Variants in CSNK1D observed in about 807,000 individuals in gnomAD.
CSNK1D encodes casein kinase I isoform delta.
Under a neutral mutation model 46.6 loss-of-function variants are expected in CSNK1D, and 16 were observed. The ratio of observed to expected loss-of-function variants is 0.34; its 90% CI spans 0.23 to 0.52. The LOEUF (loss-of-function observed/expected upper bound fraction) is 0.52. CSNK1D is among the 20% of genes least tolerant of loss of function. The pLI, the probability that CSNK1D is intolerant of heterozygous loss-of-function variation, is 0.95. For missense variants in CSNK1D, 398 were observed against 578.4 expected (o/e 0.69, Z 3.20); for synonymous variants, 276 against 228.2 (o/e 1.21, Z -1.89).
Position 82,244,824 on chromosome 17 carries a change from C to T in CSNK1D, c.1205G>A (p.Gly402Asp). 6.2e-7 allele frequency: 1 copy of T among 1,613,860 alleles called. No individual in the cohort carries two copies. Among genetic ancestry groups the T allele is most frequent in the East Asian group, 2.2e-5 (1 of 44,884 alleles). ...TSRMSTSQIP[G>D]RVASSGLQSV... is the part of the protein sequence containing the mutation. Reference sequence around the variant, plus strand: ...CTGAAGACCACTGGAAGCCACCCGACCAGGAATCTGTCGGAGCCAAAGCAC... The same window carrying T: ...CTGAAGACCACTGGAAGCCACCCGATCAGGAATCTGTCGGAGCCAAAGCAC... The change falls in exon 9 of 9, where the codon GGT becomes GAT. Residue 402 changes from glycine (G) to aspartate (D), a missense_variant. Physicochemically the swap from Gly to Asp is moderately conservative, Grantham distance 94 (BLOSUM62 -1). Transcript: ENST00000314028.
chr17:82,239,969 G>A (rs370836789), downstream of CSNK1D: 18 of 1,232,144 alleles, frequency 1.5e-5, no homozygotes, highest in Middle Eastern at 2.1e-4. Context: ...AGAGGCCGCC[G>A]GGGCCCTCAG....
intron 2 of CSNK1D, among the ~76,000 whole-genome samples, chr17:82,259,431 A>C (rs1405781818): frequency 6.6e-6 from 1 of 152,240 alleles, no homozygotes; most frequent in African/African-American, 2.4e-5. Context: ...TGTGAGGCTG[A>C]GGATGATGTG....
chr17:82,252,336 C>T lies in CSNK1D; in HGVS notation c.736+98G>A, dbSNP rs2051034439. ...CACCACCCCTTTGGAAGGTGAGCAA[C>T]TCTTCTGACAAAACCCAGACTGAGC... On this transcript the variant is annotated intron_variant, in intron 5 of 8. Coordinates refer to ENST00000314028, the MANE Select transcript of CSNK1D (RefSeq NM_001893.6). The surrounding 1 kb of genome is among the most constrained non-coding windows in gnomAD (Gnocchi z 4.6). 3 of 1,426,190 alleles carry T rather than the reference C, an allele frequency of 2.1e-6. No homozygotes were observed. Among genetic ancestry groups the T allele is most frequent in the Admixed American group, 1.7e-5 (1 of 59,706 alleles). 88.3% of individuals were successfully genotyped at this position (1,426,190 alleles called of 1,614,324 possible). A position where few individuals can be genotyped will look rare whatever the true frequency, so the allele number is the denominator to read the frequency against.
intron 8 of CSNK1D, chr17:82,247,142 A>G: frequency 1.0e-6 from 1 of 985,388 alleles, no homozygotes; most frequent in African/African-American, 1.7e-5. Context: ...TGGAGAGAAC[A>G]CACCCCCAAA....
chr17:82,272,705 G>T (rs549617354), intron 1 of CSNK1D, among the ~76,000 whole-genome samples: 1 of 152,308 alleles, frequency 6.6e-6, no homozygotes, highest in Admixed American at 6.5e-5. Context: ...CGCTCCACAC[G>T]GCATTTGGGT....
In CSNK1D at chr17:82,251,618, C is replaced by T; in HGVS notation, c.737-91G>A. On this transcript the variant is annotated intron_variant, in intron 5 of 8. Coordinates refer to ENST00000314028, the MANE Select transcript of CSNK1D (RefSeq NM_001893.6). This position sits in a 1 kb window ranked among gnomAD's most constrained non-coding sequence, Gnocchi z 4.5. ...CGTCGCTGTCTACCTCCTGCTGCTG[C>T]ACACTCAAGGGGAGAAGGACAGATG... 7.7e-7 allele frequency: 1 copy of T among 1,297,536 alleles called. No individual in the cohort carries two copies. The highest frequency in any genetic ancestry group is 1.1e-6 in the Non-Finnish European group (1 of 905,610). The allele number at this position is 1,297,536 out of a possible 1,614,324, so 80.4% of individuals were successfully genotyped here.
At position 82,243,050 on chromosome 17, in the gene CSNK1D, T is replaced by G; in HGVS notation, c.*1731A>C. 1.0e-6 allele frequency: 1 copy of G among 985,456 alleles called. No individual in the cohort carries two copies. Among genetic ancestry groups the G allele is most frequent in the Non-Finnish European group, 1.2e-6 (1 of 829,952 alleles). 61.0% of individuals were successfully genotyped at this position (985,456 alleles called of 1,614,324 possible). On this transcript the variant is annotated 3_prime_UTR_variant, in exon 9 of 9. Transcript: ENST00000314028. ...AACAAAGAAAATCTCTTAACTCGGC[T>G]CTGACCCACCCCAACCTCCCTCTGT...
chr17:82,247,217 C>T (rs1369287711), intron 8 of CSNK1D: 4 of 985,318 alleles, frequency 4.1e-6, no homozygotes, highest in Non-Finnish European at 3.6e-6. Flanking sequence ...ATATGGAAAA[C>T]GAGGGCCTAA....
At chr17:82,265,941 T>C in intron 1 of CSNK1D, 145 bp from the exon 2 acceptor site, 1 of 753,706 alleles carries the variant, frequency 1.3e-6, no homozygotes, top group Non-Finnish European at 2.4e-6. Context: ...TAAGGCGGGC[T>C]AATCGGCTGA....
At chr17:82,268,339 C>A (rs555103644) in intron 1 of CSNK1D, among the ~76,000 whole-genome samples, 1 of 152,258 alleles carries the variant, frequency 6.6e-6, no homozygotes, top group Non-Finnish European at 1.5e-5. Flanking sequence ...CACCCCCACA[C>A]TCTACCAGCC....
In CSNK1D at chr17:82,244,144, ACACACAC is replaced by A; in HGVS notation, c.*630_*636del. 6.0e-6 allele frequency: 6 copies of A among 1,004,180 alleles called. No homozygotes were observed. Among genetic ancestry groups the A allele is most frequent in the Non-Finnish European group, 7.1e-6 (6 of 839,820 alleles). The allele number at this position is 1,004,180 out of a possible 1,614,324, so 62.2% of individuals were successfully genotyped here. A position where few individuals can be genotyped will look rare whatever the true frequency, so the allele number is the denominator to read the frequency against. Reference sequence around the variant, plus strand: ...GAGGTCCCACCACACACGGGCACACACACACACCACGGACTTTTGATGAGAAATCTCC... The same window carrying A: ...GAGGTCCCACCACACACGGGCACACACACGGACTTTTGATGAGAAATCTCC... On this transcript the variant is annotated 3_prime_UTR_variant, in exon 9 of 9. Transcript: ENST00000314028.
chr17:82,243,128 C>T lies in CSNK1D; in HGVS notation c.*1653G>A. 1 of 985,534 alleles carries T rather than the reference C, an allele frequency of 1.0e-6. No individual in the cohort carries two copies. The highest frequency in any genetic ancestry group is 1.2e-6 in the Non-Finnish European group (1 of 830,010). 61.0% of individuals were successfully genotyped at this position (985,534 alleles called of 1,614,324 possible). ...AAGGCCCCGTACTCCAAAACGCTTA[C>T]ACAGTAACCAGCCTAGGATTGAGAA... On this transcript the variant is annotated 3_prime_UTR_variant, in exon 9 of 9. Transcript: ENST00000314028.
chr17:82,273,293 G>A lies in CSNK1D; in HGVS notation c.76+13C>T, dbSNP rs961731104. 1 of 1,599,744 alleles carries A rather than the reference G, an allele frequency of 6.3e-7. No individual in the cohort carries two copies. The highest frequency in any genetic ancestry group is 1.4e-5 in the African/African-American group (1 of 71,568). Reference sequence around the variant, plus strand: ...GGGTCTTCGGGCGGCGGGCGGGGGCGGCGGGGCCTCACCGAGATAGATGTC... The same window carrying A: ...GGGTCTTCGGGCGGCGGGCGGGGGCAGCGGGGCCTCACCGAGATAGATGTC... On this transcript the variant is annotated intron_variant, in intron 1 of 8. Transcript: ENST00000314028. The surrounding 1 kb of genome is among the most constrained non-coding windows in gnomAD (Gnocchi z 5.1).
chr17:82,243,330 C>T lies in CSNK1D; in HGVS notation c.*1451G>A. ...GAACATCGTCCATCGTGATGGGGTC[C>T]AGCCGAAGTGCCCACGAACACAGAC... On this transcript the variant is annotated 3_prime_UTR_variant, in exon 9 of 9. Coordinates refer to ENST00000314028, the MANE Select transcript of CSNK1D (RefSeq NM_001893.6). The T allele has an allele frequency of 1.0e-6, 1 of 985,506 alleles. No individual in the cohort carries two copies. Among genetic ancestry groups the T allele is most frequent in the Non-Finnish European group, 1.2e-6 (1 of 829,984 alleles). 61.0% of individuals were successfully genotyped at this position (985,506 alleles called of 1,614,324 possible).
rs1197010111 is a variant in CSNK1D at position 82,242,708 on chromosome 17, T to TA, written c.*2072dup. ...ATGAATTTATTATTTACACGATTGT[T>TA]AAAGTACACAAATACAGTGGCGATA... On this transcript the variant is annotated 3_prime_UTR_variant, in exon 9 of 9. Transcript: ENST00000314028. 3.5e-5 allele frequency: 34 copies of TA among 985,408 alleles called. No homozygotes were observed. Among genetic ancestry groups the TA allele is most frequent in the African/African-American group, 7.0e-5 (4 of 57,352 alleles). 61.0% of individuals were successfully genotyped at this position (985,408 alleles called of 1,614,324 possible). A position where few individuals can be genotyped will look rare whatever the true frequency, so the allele number is the denominator to read the frequency against.
downstream of CSNK1D, among the ~76,000 whole-genome samples, chr17:82,241,178 G>A (rs1374930205): frequency 1.3e-5 from 2 of 152,246 alleles, no homozygotes; most frequent in African/African-American, 2.4e-5. Flanking sequence ...AGATCAGAGG[G>A]AGAAGGGAGG....
chr17:82,252,462 G>A lies in CSNK1D; in HGVS notation c.708C>T (p.Pro236=), dbSNP rs752723795. The change falls in exon 5 of 9, where the codon CCC becomes CCT. Residue 236 remains proline, a synonymous_variant. Coordinates refer to ENST00000314028, the MANE Select transcript of CSNK1D (RefSeq NM_001893.6). The surrounding 1 kb of genome is among the most constrained non-coding windows in gnomAD (Gnocchi z 4.6). The part of the protein sequence containing the change: ...ERISEKKMST[P]IEVLCKGYPS... ...GGTAGCCTTTACACAACACTTCGAT[G>A]GGGGTGGACATTTTCTTCTCGCTAA... 2 of 1,614,126 alleles carry A rather than the reference G, an allele frequency of 1.2e-6. No individual in the cohort carries two copies. Among genetic ancestry groups the A allele is most frequent in the South Asian group, 1.1e-5 (1 of 91,090 alleles).
At chr17:82,257,051 C>T (rs557609634) in intron 2 of CSNK1D, among the ~76,000 whole-genome samples, 1 of 152,322 alleles carries the variant, frequency 6.6e-6, no homozygotes, top group African/African-American at 2.4e-5. Context: ...CCTCCGCCTC[C>T]TGGATTCAAG....
Position 82,255,729 on chromosome 17 carries a change from G to A in CSNK1D, c.188-152C>T, listed in dbSNP as rs1599597514. ...AGACCCCGGCAACGCCGCTCCTCAG[G>A]GACCCATCCTCGAGATTAGGCCCCA... On this transcript the variant is annotated intron_variant, in intron 2 of 8. Transcript: ENST00000314028. The surrounding 1 kb of genome is among the most constrained non-coding windows in gnomAD (Gnocchi z 5.9). The A allele has an allele frequency of 2.1e-6, 2 of 949,452 alleles. No individual in the cohort carries two copies. The highest frequency in any genetic ancestry group is 1.7e-6 in the Non-Finnish European group (1 of 601,346). The allele number at this position is 949,452 out of a possible 1,614,324, so 58.8% of individuals were successfully genotyped here.
Sources: allele counts gnomAD v4.1 joint callset (sites outside exome capture counted in the v4.1 genomes callset), GRCh38; gene constraint gnomAD v4.1.1; non-coding constraint Gnocchi (gnomAD v3.1); transcripts MANE v1.5; gene names NCBI Gene and HGNC (gene_info 2026-07-23, HGNC 2026-07-21).